TMEM14B: variants seen among roughly 807,000 people sequenced by gnomAD.
The protein encoded by TMEM14B is transmembrane protein 14B.
A neutral mutation model predicts 14.8 loss-of-function variants in TMEM14B; 9 were observed. That is an observed-to-expected ratio of 0.61 (90% CI 0.37 to 1.06). The LOEUF is 1.06. Among genes scored for constraint, TMEM14B ranks in the 50% least tolerant of loss-of-function variants. TMEM14B has a pLI of 0.01. For synonymous variants in TMEM14B, 40 were observed against 51.3 expected, an observed-to-expected ratio of 0.78 and a Z score of 0.94; for missense variants, 128 against 143.6, an observed-to-expected ratio of 0.89 and a Z score of 0.56.
rs778908457 is a variant in TMEM14B at position 10,749,249 on chromosome 6, G to C, written c.4G>C (p.Glu2Gln). M[E>Q]KPLFPLVPLH... Reference sequence around the variant, plus strand: ...TTTCTGGACTGAGAAGAGAAGAATGGAGAAGCCCCTCTTCCCATTGTGAGT... The same window carrying C: ...TTTCTGGACTGAGAAGAGAAGAATGCAGAAGCCCCTCTTCCCATTGTGAGT... The change falls in exon 2 of 6, where the codon GAG becomes CAG. Residue 2 changes from glutamate to glutamine, a missense_variant. Physicochemically the swap from Glu to Gln is conservative, Grantham distance 29. Coordinates refer to ENST00000379542, the MANE Select transcript of TMEM14B (RefSeq NM_030969.5). 1.1e-5 allele frequency: 18 copies of C among 1,614,076 alleles called. No homozygotes were observed. Among genetic ancestry groups the C allele is most frequent in the Admixed American group, 1.7e-5 (1 of 60,002 alleles).
At chr6:10,758,723 A>G (rs569794215), downstream of TMEM14B, among the ~76,000 whole-genome samples, 18 of 152,274 alleles carry the variant, frequency 1.2e-4, no homozygotes, top group East Asian at 7.7e-4. Flanking sequence ...AAAGGAACCA[A>G]CAGTTAAGCT....
At chr6:10,755,715 G>C (rs572473217) in intron 5 of TMEM14B, 1 of 998,572 alleles carries the variant, frequency 1.0e-6, no homozygotes, top group South Asian at 4.1e-5. Flanking sequence ...AGCACAGTGG[G>C]AGGCCATGGC....
At chr6:10,754,969 A>G (rs150446306) in intron 4 of TMEM14B, among the ~76,000 whole-genome samples, 173 bp from the exon 5 acceptor site, 73 of 152,320 alleles carry the variant, frequency 4.8e-4, no homozygotes, top group African/African-American at 1.7e-3. Context: ...TTTGGCCAGT[A>G]TTGGTATTTG....
At position 10,751,150 on chromosome 6, in the gene TMEM14B, G is replaced by T; in HGVS notation, c.118G>T (p.Ala40Ser). Reference sequence around the variant, plus strand: ...CCTTCTAGGCAGCGTGCCGTCCCTGGCTGCAGGGCTGCTCTTCGGCAGTCT... The same window carrying T: ...CCTTCTAGGCAGCGTGCCGTCCCTGTCTGCAGGGCTGCTCTTCGGCAGTCT... ...YVKTGSVPSL[A>S]AGLLFGSLAG... The change falls in exon 4 of 6, where the codon GCT (alanine) becomes TCT (serine). Residue 40 changes from alanine (A) to serine (S), a missense_variant. By Grantham distance (99) the Ala-to-Ser change is moderately conservative. Transcript: ENST00000379542. The T allele has an allele frequency of 1.9e-6, 3 of 1,613,846 alleles. No individual in the cohort carries two copies. The highest frequency in any genetic ancestry group is 2.5e-6 in the Non-Finnish European group (3 of 1,180,006).
At chr6:10,751,082 G>A in intron 3 of TMEM14B, 51 bp from the exon 4 acceptor site, 2 of 1,608,548 alleles carry the variant, frequency 1.2e-6, no homozygotes, top group Non-Finnish European at 1.7e-6. Flanking sequence ...GATTCCGTTA[G>A]TGAAATAAGT....
chr6:10,759,107 A>T (rs1047786196), downstream of TMEM14B: 11 of 164,612 alleles, frequency 6.7e-5, no homozygotes, highest in African/African-American at 2.7e-4. Flanking sequence ...TTTAGTAGAG[A>T]TGGGGTTTCA....
At chr6:10,753,083 A>G (rs1364253610) in intron 4 of TMEM14B, among the ~76,000 whole-genome samples, 2 of 152,032 alleles carry the variant, frequency 1.3e-5, no homozygotes, top group African/African-American at 4.8e-5. Context: ...CTAAAAATAC[A>G]AAATTAGCCG....
At chr6:10,752,602 G>A (rs1259241011) in intron 4 of TMEM14B, among the ~76,000 whole-genome samples, 1 of 151,830 alleles carries the variant, frequency 6.6e-6, no homozygotes, top group Non-Finnish European at 1.5e-5. Flanking sequence ...GATTACAGGT[G>A]TCTCCCACCA....
intron 4 of TMEM14B, among the ~76,000 whole-genome samples, chr6:10,751,751 A>T (rs1771580750): frequency 6.6e-6 from 1 of 152,138 alleles, no homozygotes; most frequent in African/African-American, 2.4e-5. Flanking sequence ...TATAAGACGT[A>T]GACCATGCTT....
chr6:10,748,410 TTG>T (rs59276471), intron 1 of TMEM14B, among the ~76,000 whole-genome samples: 7,738 of 150,720 alleles, frequency 0.051, 389 homozygotes, highest in African/African-American at 0.13. Context: ...CATGCCCGAT[TTG>T]TGTGTGTGTG....
At chr6:10,749,599 A>G in intron 2 of TMEM14B, 23 bp from the exon 3 acceptor site, 1 of 1,613,814 alleles carries the variant, frequency 6.2e-7, no homozygotes, top group Non-Finnish European at 8.5e-7. Flanking sequence ...CTGACTTCTC[A>G]CTGACTTCTC....
At chr6:10,750,430 G>A (rs1260024300) in intron 3 of TMEM14B, among the ~76,000 whole-genome samples, 1 of 114,586 alleles carries the variant, frequency 8.7e-6, no homozygotes, top group African/African-American at 3.6e-5. Flanking sequence ...CTTTGGTTTA[G>A]AATGGGGTGG....
intron 1 of TMEM14B, among the ~76,000 whole-genome samples, 190 bp from the exon 2 acceptor site, chr6:10,749,012 T>C (rs780837482): frequency 8.5e-5 from 13 of 152,228 alleles, no homozygotes; most frequent in Non-Finnish European, 1.8e-4. Context: ...TACTAGGTGC[T>C]AAGCACCTTT....
In TMEM14B at chr6:10,750,387, G is replaced by A. The variant is rs575639448; in HGVS notation, c.100+689G>A. ...GACGGCTAACACTCAAAGTTCTCTC[G>A]GCCTTGAAGAAGGGGCTAGATTTTC... is the stretch of plus-strand genomic sequence containing the variant. On this transcript the variant is annotated intron_variant, in intron 3 of 5. Transcript: ENST00000379542. Among the ~76,000 whole-genome samples the A allele has an allele frequency of 8.3e-4, 118 of 141,472 alleles. 1 individual carries two copies. Among genetic ancestry groups the A allele is most frequent in the African/African-American group, 2.9e-3 (111 of 37,746 alleles). The allele number at this position is 141,472 out of a possible 152,430, so 92.8% of individuals were successfully genotyped here. A position where few individuals can be genotyped will look rare whatever the true frequency, so the allele number is the denominator to read the frequency against.
chr6:10,749,815 G>A (rs975361852), intron 3 of TMEM14B, 117 bp downstream of exon 3: 26 of 1,215,728 alleles, frequency 2.1e-5, no homozygotes, highest in Non-Finnish European at 2.3e-5. Flanking sequence ...AGGTCCCCAA[G>A]CTGGAGTGCA....
At position 10,749,631 on chromosome 6, in the gene TMEM14B, G is replaced by C. The variant is rs1386740555; in HGVS notation, c.33G>C (p.Leu11Phe). Residue 11 changes from leucine (L) to phenylalanine (F), a missense_variant, in exon 3 of 6, where the codon TTG (leucine) becomes TTC (phenylalanine). Leu to Phe is a conservative substitution (Grantham distance 22, BLOSUM62 0). Coordinates refer to ENST00000379542, the MANE Select transcript of TMEM14B (RefSeq NM_030969.5). The part of the protein sequence containing the change: MEKPLFPLVP[L>F]HWFGFGYTAL... ...TCTCTTGTGTTTTCAGAGTGCCTTT[G>C]CATTGGTTTGGCTTTGGCTACACAG... 3.7e-6 allele frequency: 6 copies of C among 1,614,124 alleles called. No individual in the cohort carries two copies. The African/African-American group carries it at 4.0e-5, about 11-fold the overall frequency.
downstream of TMEM14B, among the ~76,000 whole-genome samples, chr6:10,757,613 C>T (rs115698552): frequency 0.016 from 2,360 of 152,212 alleles, 43 homozygotes; most frequent in Middle Eastern, 0.078. Flanking sequence ...GATACTGGTA[C>T]GTTTTTAGTT....
intron 3 of TMEM14B, among the ~76,000 whole-genome samples, 177 bp from the exon 4 acceptor site, chr6:10,750,956 G>T (rs1276583019): frequency 6.6e-6 from 1 of 151,932 alleles, no homozygotes; most frequent in Non-Finnish European, 1.5e-5. Context: ...GGAAGACCCT[G>T]ACTTCTCTGA....
chr6:10,750,853 C>G (rs1771523715), intron 3 of TMEM14B, among the ~76,000 whole-genome samples: 1 of 151,956 alleles, frequency 6.6e-6, no homozygotes. Flanking sequence ...AAAAGAAGGC[C>G]TAGTCATAGT....
Sources: gnomAD v4.1 joint callset for allele counts (sites outside exome capture counted in the v4.1 genomes callset) on GRCh38, gnomAD v4.1.1 for gene constraint, MANE v1.5 for transcripts, NCBI Gene and HGNC (gene_info 2026-07-23, HGNC 2026-07-21) for gene names.